TAF1D: variants seen among roughly 807,000 people sequenced by gnomAD.
The protein encoded by TAF1D is TATA-box binding protein associated factor, RNA polymerase I subunit D, also known as TATA box-binding protein-associated factor RNA polymerase I subunit D.
TAF1D carries 23 observed loss-of-function variants against 26.2 expected under a neutral mutation model. That is an observed-to-expected ratio of 0.88 (90% confidence interval 0.63 to 1.25). The LOEUF (loss-of-function observed/expected upper bound fraction) is 1.25, where lower values mean the gene tolerates loss of function less well. Among genes scored for constraint, TAF1D ranks in the 50% most tolerant of loss-of-function variants. The pLI is 0.00. For synonymous variants in TAF1D, 100 were observed against 105.6 expected (o/e 0.95, Z 0.33); for missense variants, 299 against 322.0 (o/e 0.93, Z 0.55).
At chr11:93,735,047 C>T, downstream of TAF1D, 1 of 1,276,128 alleles carries the variant, frequency 7.8e-7, no homozygotes. Context: ...ACCCATTGCA[C>T]CTGGCCTGGA....
chr11:93,737,895 T>C (rs1941119043), intron 3 of TAF1D, among the ~76,000 whole-genome samples: 1 of 152,224 alleles, frequency 6.6e-6, no homozygotes, highest in Non-Finnish European at 1.5e-5. Context: ...TGGAGCACTA[T>C]CTTTTAAATA....
At chr11:93,736,420 TAAA>T (rs1940768749) in intron 5 of TAF1D, 116 bp from the exon 6 acceptor site, 2 of 1,426,992 alleles carry the variant, frequency 1.4e-6, no homozygotes, top group African/African-American at 2.9e-5. Context: ...ATGTAGATGT[TAAA>T]AATCCAAATT....
downstream of TAF1D, chr11:93,731,930 T>C: frequency 2.2e-6 from 1 of 445,364 alleles, no homozygotes; most frequent in South Asian, 1.6e-5. Context: ...GAGCTGAAAA[T>C]TCCTTATTAA....
At chr11:93,731,722 G>A (rs1162226939), downstream of TAF1D, 4 of 358,366 alleles carry the variant, frequency 1.1e-5, no homozygotes, top group Admixed American at 1.5e-4. Flanking sequence ...AAAATAACCT[G>A]CATGGCCTTT....
downstream of TAF1D, chr11:93,731,177 G>A (rs1009732638): frequency 4.4e-5 from 20 of 457,932 alleles, no homozygotes; most frequent in African/African-American, 1.6e-4. Flanking sequence ...CTGTCATCTC[G>A]TTTTAATATG....
Position 93,736,093 on chromosome 11 carries a change from A to G in TAF1D, c.*68T>C, listed in dbSNP as rs1174732988. 1 of 1,601,450 alleles carries G rather than the reference A, an allele frequency of 6.2e-7. No homozygotes were observed. The highest frequency in any genetic ancestry group is 2.2e-5 in the East Asian group (1 of 44,524). On this transcript the variant is annotated 3_prime_UTR_variant, in exon 6 of 6. Transcript: ENST00000448108. Reference sequence around the variant, plus strand: ...CCACCAGACTGGTACATATATCCACATTTATCTTTATTCATTTCTATGAAG... The same window carrying G: ...CCACCAGACTGGTACATATATCCACGTTTATCTTTATTCATTTCTATGAAG...
rs767177958 is a variant in TAF1D, at chr11:93,738,148, A to G, written c.420T>C (p.Asn140=). ...TTTTTCTCCAAGGTGCGTTTTTTTC[A>G]TTCTCTGATTCTAAAAATGGGAAGC... ...GSGFPFLESE[N]EKNAPWRKIL... Residue 140 remains asparagine, a synonymous_variant, in exon 3 of 6, where the codon AAT becomes AAC. Coordinates refer to ENST00000448108, the MANE Select transcript of TAF1D (RefSeq NM_024116.4). The G allele has an allele frequency of 6.4e-7, 1 of 1,564,432 alleles. No homozygotes were observed. The highest frequency in any genetic ancestry group is 1.2e-5 in the South Asian group (1 of 82,542).
downstream of TAF1D, chr11:93,732,376 A>T (rs1027582359): frequency 1.9e-6 from 1 of 519,008 alleles, no homozygotes; most frequent in Admixed American, 1.9e-5. Flanking sequence ...TATCAGTAGA[A>T]ATACCAGGTT....
intron 5 of TAF1D, 188 bp downstream of exon 5, chr11:93,736,506 G>A: frequency 7.0e-7 from 1 of 1,422,712 alleles, no homozygotes. Context: ...ATTAAAAATA[G>A]TACTGAAAAC....
Position 93,738,426 on chromosome 11 carries a change from G to C in TAF1D, c.142C>G (p.Pro48Ala), listed in dbSNP as rs200454172. 8.4e-5 allele frequency: 136 copies of C among 1,612,132 alleles called. No individual in the cohort carries two copies. Among genetic ancestry groups the C allele is most frequent in the Non-Finnish European group, 1.1e-4 (133 of 1,179,600 alleles). Residue 48 changes from proline to alanine, a missense_variant, in exon 3 of 6, where the codon CCC becomes GCC. Coordinates refer to ENST00000448108, the MANE Select transcript of TAF1D (RefSeq NM_024116.4). ...PYSPKGEKRN[P>A]IRKFVRTPES... ...GGTGTACGAACAAATTTTCGAATGGGGTTTCTTTTCTCCCCTTTAGGTGAG... is the reference window on the plus strand; with the variant it reads ...GGTGTACGAACAAATTTTCGAATGGCGTTTCTTTTCTCCCCTTTAGGTGAG...
At chr11:93,730,416 C>G in exon 12 of TAF1D, 5 of 781,654 alleles carry the variant, frequency 6.4e-6, no homozygotes, top group Non-Finnish European at 1.1e-5. Context: ...CTCTAAAGAG[C>G]TGGAGTCAAA....
At chr11:93,739,523 T>C (rs1941371360) in intron 1 of TAF1D, among the ~76,000 whole-genome samples, 192 bp from the exon 2 acceptor site, 1 of 152,216 alleles carries the variant, frequency 6.6e-6, no homozygotes, top group African/African-American at 2.4e-5. Context: ...GTTCTTTCAG[T>C]TGTTACCCTC....
At chr11:93,735,461 T>C, downstream of TAF1D, 1 of 490,106 alleles carries the variant, frequency 2.0e-6, no homozygotes, top group Non-Finnish European at 2.7e-6. Context: ...GGCAGGCGGA[T>C]CGCCTGAGGT....
chr11:93,734,908 C>T (rs542419925), downstream of TAF1D: 1 of 772,042 alleles, frequency 1.3e-6, no homozygotes, highest in African/African-American at 1.8e-5. Flanking sequence ...CAACTACAGG[C>T]ACATGCCCCA....
chr11:93,733,416 T>C (rs370621379), downstream of TAF1D: 458 of 518,558 alleles, frequency 8.8e-4, 9 homozygotes, highest in South Asian at 6.3e-3. Context: ...AAAAAGTAGA[T>C]TATCTGGTTT....
chr11:93,732,467 G>A (rs759205118), downstream of TAF1D: 3 of 518,868 alleles, frequency 5.8e-6, no homozygotes, highest in South Asian at 4.2e-5. Flanking sequence ...CCTAGCAGGT[G>A]TAAACTGCTG....
chr11:93,736,260 A>C lies in TAF1D; in HGVS notation c.738T>G (p.Ser246Arg), dbSNP rs1375099226. Residue 246 changes from serine to arginine, a missense_variant, in exon 6 of 6, where the codon AGT becomes AGG. Ser to Arg is a moderately radical substitution (Grantham distance 110). Transcript: ENST00000448108. Reference sequence around the variant, plus strand: ...TAATATCCTCTTCTTCTAAGTATACACTCAGTCTTACAGGGAATTCAGAAC... The same window carrying C: ...TAATATCCTCTTCTTCTAAGTATACCCTCAGTCTTACAGGGAATTCAGAAC... ...IVSSEFPVRL[S>R]VYLEEEDITE... The C allele has an allele frequency of 6.2e-7, 1 of 1,612,738 alleles. No homozygotes were observed. Among genetic ancestry groups the C allele is most frequent in the Non-Finnish European group, 8.5e-7 (1 of 1,179,660 alleles).
chr11:93,737,323 C>G lies in TAF1D; in HGVS notation c.460-84G>C, dbSNP rs1477248718. 3 of 911,410 alleles carry G rather than the reference C, an allele frequency of 3.3e-6. 1 individual carries two copies. The highest frequency in any genetic ancestry group is 4.0e-5 in the South Asian group (2 of 50,204). The allele number at this position is 911,410 out of a possible 1,614,324, so 56.5% of individuals were successfully genotyped here. On this transcript the variant is annotated intron_variant, in intron 3 of 5. Coordinates refer to ENST00000448108, the MANE Select transcript of TAF1D (RefSeq NM_024116.4). ...CCTATGTTCAAAAAGGGCAATGCCC[C>G]CCCTTAGCAAAGACTCTGAATTTGC...
chr11:93,738,976 G>T, intron 2 of TAF1D: 1 of 490,432 alleles, frequency 2.0e-6, no homozygotes, highest in Non-Finnish European at 3.6e-6. Context: ...CCGAACCGGA[G>T]GATGTAGTCT....
Sources: allele counts gnomAD v4.1 joint callset (sites outside exome capture counted in the v4.1 genomes callset), GRCh38; gene constraint gnomAD v4.1.1; transcripts MANE v1.5; gene names NCBI Gene and HGNC (gene_info 2026-07-23, HGNC 2026-07-21).